SEPTIN9: variants seen among roughly 807,000 people sequenced by gnomAD.
SEPTIN9 encodes septin-9.
In SEPTIN9, 13 loss-of-function variants were observed where a neutral mutation model predicts 56.6. The observed-to-expected ratio is 0.23, with a 90% confidence interval of 0.15 to 0.37. The LOEUF is 0.37. Ranked by LOEUF, SEPTIN9 falls within the 10% of genes least tolerant of loss-of-function variation. The pLI, the probability that SEPTIN9 is intolerant of heterozygous loss-of-function variation, is 1.00. For synonymous variants in SEPTIN9, 332 were observed against 334.1 expected, an observed-to-expected ratio of 0.99 and a Z score of 0.07; for missense variants, 650 against 823.1, an observed-to-expected ratio of 0.79 and a Z score of 2.57.
At position 77,437,102 on chromosome 17, in the gene SEPTIN9, G is replaced by T. The variant is rs766371389; in HGVS notation, c.721+34399G>T. 1.3e-5 allele frequency among the ~76,000 whole-genome samples: 2 copies of T among 152,206 alleles called. No individual in the cohort carries two copies. The highest frequency in any genetic ancestry group is 1.5e-5 in the Non-Finnish European group (1 of 68,038). The stretch of plus-strand genomic sequence containing the variant: ...CGCCGACCTCCTGCTCTGCCTTCCC[G>T]TGCCCATTCGGTTGGCATCAGCATC... On this transcript the variant is annotated intron_variant, in intron 3 of 11. Transcript: ENST00000427177. This position sits in a 1 kb window ranked among gnomAD's most constrained non-coding sequence, Gnocchi z 5.3.
intron 3 of SEPTIN9, among the ~76,000 whole-genome samples, chr17:77,481,378 A>G (rs1229315577): frequency 6.7e-6 from 1 of 149,144 alleles, no homozygotes; most frequent in Non-Finnish European, 1.5e-5. Context: ...GGGTCAGTCC[A>G]GGGGGAGGCA....
intron 7 of SEPTIN9, 62 bp from the exon 8 acceptor site, chr17:77,490,680 G>A (rs1213735296): frequency 4.7e-6 from 6 of 1,282,914 alleles, no homozygotes; most frequent in Non-Finnish European, 6.6e-6. Flanking sequence ...CTGCTTGGGG[G>A]TGGGTGCCCC....
chr17:77,309,836 G>A (rs1460792393), intron 2 of SEPTIN9, among the ~76,000 whole-genome samples: 1 of 152,234 alleles, frequency 6.6e-6, no homozygotes, highest in Non-Finnish European at 1.5e-5. Context: ...TAAGAAGTGA[G>A]ACATTGCAGG....
At chr17:77,355,711 G>A (rs929931633) in intron 2 of SEPTIN9, among the ~76,000 whole-genome samples, 7 of 151,452 alleles carry the variant, frequency 4.6e-5, no homozygotes, top group Admixed American at 2.0e-4. Flanking sequence ...GGCCGGGCGC[G>A]GTGGCTCACA....
rs1322105016 is a variant in SEPTIN9, at chr17:77,437,972, C to A, written c.721+35269C>A. Among the ~76,000 whole-genome samples, 1 of 152,212 alleles carries A rather than the reference C, an allele frequency of 6.6e-6. No homozygotes were observed. The highest frequency in any genetic ancestry group is 6.5e-5 in the Admixed American group (1 of 15,282). ...ACTGTGCACCCATTGAAGGCGGCAT[C>A]ATCCGGGCCTCTCCGGTGGCCATGC... On this transcript the variant is annotated intron_variant, in intron 3 of 11. Coordinates refer to ENST00000427177, the MANE Select transcript of SEPTIN9 (RefSeq NM_001113491.2). This position sits in a 1 kb window ranked among gnomAD's most constrained non-coding sequence, Gnocchi z 5.3.
At chr17:77,320,297 C>A in intron 2 of SEPTIN9, 1 of 1,612,156 alleles carries the variant, frequency 6.2e-7, no homozygotes, top group Non-Finnish European at 8.5e-7. Flanking sequence ...GACGCCGGGA[C>A]TCCCGCCGCT....
chr17:77,447,734 C>T (rs749695839), intron 3 of SEPTIN9, among the ~76,000 whole-genome samples: 1 of 152,264 alleles, frequency 6.6e-6, no homozygotes, highest in Non-Finnish European at 1.5e-5. Flanking sequence ...AAGCGATTCT[C>T]CTGCCTCAAC....
chr17:77,417,300 C>T (rs1019386287), intron 3 of SEPTIN9, among the ~76,000 whole-genome samples: 1 of 152,208 alleles, frequency 6.6e-6, no homozygotes, highest in Non-Finnish European at 1.5e-5. Flanking sequence ...AGCAGCCAAG[C>T]TCTGGAGGTG....
intron 2 of SEPTIN9, among the ~76,000 whole-genome samples, chr17:77,349,736 T>A (rs923704166): frequency 1.3e-5 from 2 of 152,232 alleles, no homozygotes; most frequent in African/African-American, 4.8e-5. Flanking sequence ...AGATATTCTA[T>A]ACTGACTCCA....
At chr17:77,485,229 G>GGTGATGGTGGTGATT (rs1393313725) in intron 4 of SEPTIN9, among the ~76,000 whole-genome samples, 17 of 151,796 alleles carry the variant, frequency 1.1e-4, no homozygotes, top group Non-Finnish European at 1.8e-4. Context: ...TGGTGAAGGG[G>GGTGATGGTGGTGATT]GTGATGGTGG....
chr17:77,472,250 G>A (rs761484561), intron 3 of SEPTIN9, among the ~76,000 whole-genome samples: 1 of 152,170 alleles, frequency 6.6e-6, no homozygotes, highest in Non-Finnish European at 1.5e-5. Context: ...TGACTTTACC[G>A]ACTGGGGCCA....
In SEPTIN9 at chr17:77,310,417, G is replaced by T. The variant is rs541689760; in HGVS notation, c.76+3220G>T. On this transcript the variant is annotated intron_variant, in intron 2 of 11. Coordinates refer to ENST00000427177, the MANE Select transcript of SEPTIN9 (RefSeq NM_001113491.2). The surrounding 1 kb of genome is among the most constrained non-coding windows in gnomAD (Gnocchi z 4.7). ...TGGCTGCCCTGCCTGTGCCCACAAC[G>T]TGACGGCGTGGAGACTTATCCGTGT... Among the ~76,000 whole-genome samples the T allele has an allele frequency of 6.6e-6, 1 of 152,336 alleles. No homozygotes were observed. The highest frequency in any genetic ancestry group is 2.4e-5 in the African/African-American group (1 of 41,580).
At chr17:77,398,422 G>A (rs2035794235) in intron 2 of SEPTIN9, among the ~76,000 whole-genome samples, 1 of 152,182 alleles carries the variant, frequency 6.6e-6, no homozygotes, top group Non-Finnish European at 1.5e-5. Flanking sequence ...ATGGGGAGGG[G>A]GTGGTGTGGA....
In SEPTIN9 at chr17:77,376,341, C is replaced by T. The variant is rs550799621; in HGVS notation, c.77-25718C>T. 6.6e-5 allele frequency: 65 copies of T among 985,698 alleles called. 1 individual carries two copies. In the South Asian group the frequency reaches 1.8e-3, roughly 27 times the overall value. The allele number at this position is 985,698 out of a possible 1,614,324, so 61.1% of individuals were successfully genotyped here. ...CTGGGAATGGGCGCAGGAGCAGCGC[C>T]GTGGGAGCACAGGTCTCTTTCCCGG... On this transcript the variant is annotated intron_variant, in intron 2 of 11. Transcript: ENST00000427177.
chr17:77,494,877 G>A (rs1291085483), intron 10 of SEPTIN9, among the ~76,000 whole-genome samples: 1 of 152,200 alleles, frequency 6.6e-6, no homozygotes, highest in Non-Finnish European at 1.5e-5. Flanking sequence ...CACCACCCCT[G>A]CCGGGCCCAC....
chr17:77,399,486 C>A (rs565054875), intron 2 of SEPTIN9, among the ~76,000 whole-genome samples: 1 of 152,256 alleles, frequency 6.6e-6, no homozygotes, highest in South Asian at 2.1e-4. Flanking sequence ...GATCAGAGGA[C>A]CGCGGGAGGC....
intron 1 of SEPTIN9, among the ~76,000 whole-genome samples, chr17:77,299,897 G>T (rs1457871483): frequency 6.6e-6 from 1 of 152,208 alleles, no homozygotes; most frequent in Non-Finnish European, 1.5e-5. Flanking sequence ...GCCTCCATGG[G>T]CCTTCTTTGG....
chr17:77,479,213 C>A (rs9907297), intron 3 of SEPTIN9, among the ~76,000 whole-genome samples: 7,132 of 152,302 alleles, frequency 0.047, 426 homozygotes, highest in African/African-American at 0.14. Flanking sequence ...CGCTGAGCAG[C>A]GCAGGCCTCG....
intron 2 of SEPTIN9, among the ~76,000 whole-genome samples, chr17:77,348,488 C>T (rs139006107): frequency 1.5e-3 from 231 of 151,936 alleles, no homozygotes; most frequent in African/African-American, 4.6e-3. Flanking sequence ...TTAGTAAAGA[C>T]GGGGTTTCAC....
Sources: allele counts gnomAD v4.1 joint callset (sites outside exome capture counted in the v4.1 genomes callset), GRCh38; gene constraint gnomAD v4.1.1; non-coding constraint Gnocchi (gnomAD v3.1); transcripts MANE v1.5; gene names NCBI Gene and HGNC (gene_info 2026-07-23, HGNC 2026-07-21).